COLEC10: variants seen among roughly 807,000 people sequenced by gnomAD.
COLEC10 encodes the protein collectin-10.
In COLEC10, 22 loss-of-function variants were observed where a neutral mutation model predicts 28.4. That is an observed-to-expected ratio of 0.78 (90% confidence interval 0.55 to 1.11). The LOEUF (loss-of-function observed/expected upper bound fraction) is 1.11. Ranked by LOEUF, COLEC10 falls within the 50% of genes least tolerant of loss-of-function variation. The probability of loss-of-function intolerance (pLI) is 0.00; values close to 1 mark genes in which losing one functional copy is unlikely to be tolerated. For synonymous variants in COLEC10, 125 were observed against 116.1 expected (o/e 1.08, Z -0.49); for missense variants, 361 against 344.1 (o/e 1.05, Z -0.39).
At chr8:119,038,723 C>T (rs1249978893) in intron 2 of COLEC10, among the ~76,000 whole-genome samples, 19 of 152,126 alleles carry the variant, frequency 1.2e-4, no homozygotes, top group Admixed American at 1.2e-3. Context: ...GTGAAGTTCC[C>T]TCTTTTGGAA....
the COLEC10 span, among the ~76,000 whole-genome samples, chr8:118,979,065 G>A: frequency 1.7e-3 from 254 of 152,068 alleles, no homozygotes; most frequent in Middle Eastern, 3.4e-3. Flanking sequence ...TGCTCACAAA[G>A]TTTATATAAA....
At chr8:118,985,510 A>T in the COLEC10 span, among the ~76,000 whole-genome samples, 1 of 152,120 alleles carries the variant, frequency 6.6e-6, no homozygotes, top group East Asian at 1.9e-4. Context: ...TATTTTAAAA[A>T]AAAAGGTGAT....
chr8:119,042,338 G>T (rs1283905922), intron 2 of COLEC10, among the ~76,000 whole-genome samples: 8 of 152,200 alleles, frequency 5.3e-5, no homozygotes, highest in African/African-American at 1.9e-4. Flanking sequence ...TGTGATTAAT[G>T]CAGCAGTTGT....
At chr8:119,083,602 A>G (rs2130261826) in intron 1 of COLEC10, among the ~76,000 whole-genome samples, 1 of 152,246 alleles carries the variant, frequency 6.6e-6, no homozygotes, top group Non-Finnish European at 1.5e-5. Flanking sequence ...TCTTTGATGA[A>G]TTTTACCCAT....
chr8:118,997,388 A>T (rs2130052534), intron 1 of COLEC10, among the ~76,000 whole-genome samples: 1 of 152,244 alleles, frequency 6.6e-6, no homozygotes, highest in East Asian at 1.9e-4. Context: ...TTTCAAGACC[A>T]ATGTTTTGAA....
chr8:119,081,590 C>A (rs1815371170), intron 1 of COLEC10, among the ~76,000 whole-genome samples: 1 of 151,998 alleles, frequency 6.6e-6, no homozygotes, highest in South Asian at 2.1e-4. Flanking sequence ...TCGATGGAGG[C>A]AGGAACTGAA....
intron 2 of COLEC10, among the ~76,000 whole-genome samples, chr8:119,018,225 G>A (rs568627188): frequency 3.2e-4 from 48 of 152,196 alleles, no homozygotes; most frequent in Admixed American, 2.2e-3. Flanking sequence ...TTATTCTTTC[G>A]CCCCTAGGGT....
chr8:119,018,832 C>A (rs1187227394), intron 2 of COLEC10, among the ~76,000 whole-genome samples: 3 of 152,114 alleles, frequency 2.0e-5, no homozygotes, highest in South Asian at 2.1e-4. Context: ...GGTAGTAAAT[C>A]TTTTCCGATT....
the COLEC10 span, among the ~76,000 whole-genome samples, chr8:118,971,843 A>T: frequency 6.6e-6 from 1 of 151,956 alleles, no homozygotes; most frequent in African/African-American, 2.4e-5. Context: ...ACCACCTGCT[A>T]ACTATTTGAT....
intron 1 of COLEC10, among the ~76,000 whole-genome samples, chr8:118,996,889 G>A (rs936579968): frequency 6.6e-6 from 1 of 152,050 alleles, no homozygotes; most frequent in South Asian, 2.1e-4. Flanking sequence ...GATTGGGGGA[G>A]GTACCACACT....
intron 2 of COLEC10, among the ~76,000 whole-genome samples, chr8:119,019,106 G>A (rs773100147): frequency 6.6e-6 from 1 of 152,182 alleles, no homozygotes; most frequent in Non-Finnish European, 1.5e-5. Flanking sequence ...TCTATGTTTA[G>A]CATGTTGTAT....
At chr8:118,954,119 GC>G in the COLEC10 span, among the ~76,000 whole-genome samples, 2 of 152,236 alleles carry the variant, frequency 1.3e-5, no homozygotes, top group African/African-American at 4.8e-5. Context: ...ATTCGCTGAA[GC>G]TTTTAGCTCA....
At chr8:119,016,787 G>C (rs1227054563) in intron 2 of COLEC10, among the ~76,000 whole-genome samples, 1 of 152,136 alleles carries the variant, frequency 6.6e-6, no homozygotes, top group African/African-American at 2.4e-5. Flanking sequence ...CACAATCTCA[G>C]CTCACTGCAA....
chr8:119,084,136 T>G lies in COLEC10; in HGVS notation c.149-5544T>G, dbSNP rs140726472. The stretch of plus-strand genomic sequence containing the variant: ...GCTATTAAAGTGAATCAAAGTAGTA[T>G]GGGTCTCAGAGTGAGGGAGCCACCC... On this transcript the variant is annotated intron_variant, in intron 1 of 5. Transcript: ENST00000332843. 5.9e-5 allele frequency among the ~76,000 whole-genome samples: 9 copies of G among 152,328 alleles called. No individual in the cohort carries two copies. In the East Asian group the frequency reaches 1.7e-3, roughly 29 times the overall value.
At chr8:119,052,535 G>T (rs1814691644) in intron 2 of COLEC10, among the ~76,000 whole-genome samples, 2 of 152,052 alleles carry the variant, frequency 1.3e-5, no homozygotes, top group South Asian at 4.2e-4. Flanking sequence ...TCCAGTTGTG[G>T]CATTTGTTAG....
chr8:119,017,173 G>A (rs1386648982), intron 2 of COLEC10, among the ~76,000 whole-genome samples: 1 of 152,136 alleles, frequency 6.6e-6, no homozygotes, highest in Non-Finnish European at 1.5e-5. Context: ...GAATGACTAA[G>A]TGACGTATCC....
chr8:118,958,881 A>G, the COLEC10 span, among the ~76,000 whole-genome samples: 1 of 152,238 alleles, frequency 6.6e-6, no homozygotes, highest in Non-Finnish European at 1.5e-5. Flanking sequence ...CCAAGTATAT[A>G]AATGGGCTTG....
intron 1 of COLEC10, among the ~76,000 whole-genome samples, chr8:119,003,800 T>C (rs1242043897): frequency 1.3e-5 from 2 of 152,188 alleles, no homozygotes; most frequent in East Asian, 3.9e-4. Flanking sequence ...GATTTTTACA[T>C]CTTACTACAC....
the COLEC10 span, among the ~76,000 whole-genome samples, chr8:118,985,709 TA>T: frequency 1.3e-5 from 2 of 151,788 alleles, no homozygotes; most frequent in African/African-American, 4.8e-5. Flanking sequence ...AAGAAAGAGA[TA>T]AAGAAAATCA....
Sources: gnomAD v4.1 joint callset for allele counts (sites outside exome capture counted in the v4.1 genomes callset) on GRCh38, gnomAD v4.1.1 for gene constraint, MANE v1.5 for transcripts, NCBI Gene and HGNC (gene_info 2026-07-23, HGNC 2026-07-21) for gene names.